Variants in MCF2L2 observed in about 807,000 individuals in gnomAD.
MCF2L2 encodes probable guanine nucleotide exchange factor MCF2L2.
A neutral mutation model predicts 150.2 loss-of-function variants in MCF2L2; 102 were observed. The observed-to-expected ratio is 0.68, with a 90% CI of 0.58 to 0.80. MCF2L2 has a LOEUF of 0.80. Among genes scored for constraint, MCF2L2 ranks in the 30% least tolerant of loss-of-function variants. MCF2L2 has a pLI of 0.00. For missense variants in MCF2L2, 1,256 were observed against 1,372.8 expected (o/e 0.91, Z 1.34); for synonymous variants, 465 against 491.3 (o/e 0.95, Z 0.71).
At chr3:183,355,898 G>A (rs1364144071) in intron 3 of MCF2L2, among the ~76,000 whole-genome samples, 2 of 151,874 alleles carry the variant, frequency 1.3e-5, no homozygotes, top group Non-Finnish European at 2.9e-5. Flanking sequence ...GTTCATTCTG[G>A]GGCCTCACTT....
chr3:183,351,190 G>GTGTGTA (rs1491563903), intron 3 of MCF2L2, among the ~76,000 whole-genome samples: 2 of 38,844 alleles, frequency 5.1e-5, no homozygotes, highest in African/African-American at 1.7e-4. Flanking sequence ...ATTTTCTTAA[G>GTGTGTA]TATATATATA....
intron 5 of MCF2L2, among the ~76,000 whole-genome samples, chr3:183,324,271 G>C (rs1729937351): frequency 6.6e-6 from 1 of 152,156 alleles, no homozygotes; most frequent in Non-Finnish European, 1.5e-5. Context: ...CACACATCCA[G>C]AGGAAGCTGA....
chr3:183,269,720 G>A (rs1324173760), intron 15 of MCF2L2: 14 of 1,340,612 alleles, frequency 1.0e-5, no homozygotes, highest in South Asian at 2.9e-5. Context: ...CCTACTCTAC[G>A]AAACACGAAG....
At chr3:183,373,519 A>G (rs550325418) in intron 3 of MCF2L2, 1 of 152,276 alleles carries the variant, frequency 6.6e-6, no homozygotes, top group East Asian at 1.9e-4. Flanking sequence ...CACTTTATCC[A>G]AAAGCTAAGT....
intron 1 of MCF2L2, chr3:183,400,222 A>G (rs1180309700): frequency 3.3e-6 from 1 of 302,832 alleles, no homozygotes; most frequent in East Asian, 8.6e-5. Flanking sequence ...TCTTCACAAA[A>G]AACTTGAGAC....
chr3:183,260,802 C>T (rs1409294079), intron 15 of MCF2L2, among the ~76,000 whole-genome samples: 3 of 152,198 alleles, frequency 2.0e-5, no homozygotes, highest in African/African-American at 7.2e-5. Flanking sequence ...CCCTCTATCC[C>T]AAAGCCATGA....
At chr3:183,347,783 A>T (rs1229426153) in intron 3 of MCF2L2, among the ~76,000 whole-genome samples, 4 of 152,252 alleles carry the variant, frequency 2.6e-5, no homozygotes, top group Admixed American at 6.5e-5. Flanking sequence ...TTATGTGGCC[A>T]ACAAACATAT....
At chr3:183,367,877 T>C (rs1363365164) in intron 3 of MCF2L2, among the ~76,000 whole-genome samples, 2 of 152,222 alleles carry the variant, frequency 1.3e-5, no homozygotes, top group African/African-American at 2.4e-5. Flanking sequence ...CACAAGATAC[T>C]GTCTAAAGTC....
intron 1 of MCF2L2, among the ~76,000 whole-genome samples, chr3:183,407,738 A>C (rs913082769): frequency 1.3e-5 from 2 of 152,192 alleles, no homozygotes; most frequent in African/African-American, 4.8e-5. Flanking sequence ...TCAAGGTCTA[A>C]AATCCCATTT....
chr3:183,332,018 C>T (rs1158763158), intron 5 of MCF2L2, among the ~76,000 whole-genome samples: 5 of 152,196 alleles, frequency 3.3e-5, no homozygotes, highest in East Asian at 1.9e-4. Flanking sequence ...CCCCCCAACA[C>T]GTGAAAATGT....
At chr3:183,261,078 T>C (rs1725536431) in intron 15 of MCF2L2, among the ~76,000 whole-genome samples, 2 of 152,244 alleles carry the variant, frequency 1.3e-5, no homozygotes, top group Non-Finnish European at 2.9e-5. Flanking sequence ...ATGTGAGTTA[T>C]AAATTCACAT....
chr3:183,205,849 A>AGTATAACT, intron 25 of MCF2L2, 27 bp downstream of exon 25: 1 of 1,569,838 alleles, frequency 6.4e-7, no homozygotes, highest in East Asian at 2.2e-5. Context: ...ATAACTCGAC[A>AGTATAACT]GACGAAAGTC....
intron 1 of MCF2L2, among the ~76,000 whole-genome samples, chr3:183,409,085 A>G (rs1467046774): frequency 1.3e-5 from 2 of 152,240 alleles, no homozygotes; most frequent in Non-Finnish European, 2.9e-5. Flanking sequence ...AGAATTATGT[A>G]TGTATTATTT....
At position 183,216,021 on chromosome 3, in the gene MCF2L2, A is replaced by G. The variant is rs1722896976; in HGVS notation, c.2444T>C (p.Leu815Ser). ...CACAGCCAACTCACAGGACTTGATC[A>G]AATCCTCTATCACTGCCAAAGCTTG... Reference protein sequence around the residue: ...LQQALAVIEDLIKSCELAVDL... With the variant: ...LQQALAVIEDSIKSCELAVDL... The change falls in exon 22 of 30, where the codon TTG becomes TCG. Residue 815 changes from leucine to serine, a missense_variant. Transcript: ENST00000328913. The G allele has an allele frequency of 1.2e-6, 2 of 1,613,958 alleles. No individual in the cohort carries two copies. Among genetic ancestry groups the G allele is most frequent in the Admixed American group, 3.3e-5 (2 of 59,996 alleles).
intron 1 of MCF2L2, among the ~76,000 whole-genome samples, chr3:183,424,387 A>C (rs1033435633): frequency 6.6e-6 from 1 of 152,354 alleles, no homozygotes; most frequent in Non-Finnish European, 1.5e-5. Flanking sequence ...GGTTTTGGAG[A>C]CAAAATAGTT....
In MCF2L2 at chr3:183,359,384, T is replaced by C. The variant is rs181856941; in HGVS notation, c.276-17754A>G. Among the ~76,000 whole-genome samples the C allele has an allele frequency of 1.8e-3, 268 of 152,340 alleles. 4 individuals carry two copies. Among genetic ancestry groups the C allele is most frequent in the Admixed American group, 0.014 (214 of 15,308 alleles). ...TCTGATTCGTTTCACAAAGATTTTATACCAGTGGCTCATGCACTCTGCAGG... is the reference window on the plus strand; with the variant it reads ...TCTGATTCGTTTCACAAAGATTTTACACCAGTGGCTCATGCACTCTGCAGG... On this transcript the variant is annotated intron_variant, in intron 3 of 29. Coordinates refer to ENST00000328913, the MANE Select transcript of MCF2L2 (RefSeq NM_015078.4).
chr3:183,428,106 A>G lies in MCF2L2; in HGVS notation c.-129T>C, dbSNP rs1716270421. On this transcript the variant is annotated 5_prime_UTR_variant, in exon 1 of 30. Coordinates refer to ENST00000328913, the MANE Select transcript of MCF2L2 (RefSeq NM_015078.4). This position sits in a 1 kb window ranked among gnomAD's most constrained non-coding sequence, Gnocchi z 5.1. ...TCGCCCTCTTCCTGGCTCTCCAGGC[A>G]AGAAACGAGAGTCCCTCGCAGCCTA... 1 of 712,732 alleles carries G rather than the reference A, an allele frequency of 1.4e-6. No homozygotes were observed. The highest frequency in any genetic ancestry group is 2.6e-5 in the East Asian group (1 of 38,170). 44.2% of individuals were successfully genotyped at this position (712,732 alleles called of 1,614,324 possible).
intron 15 of MCF2L2, chr3:183,253,936 A>G (rs1437735918): frequency 6.6e-6 from 1 of 151,928 alleles, no homozygotes; most frequent in Non-Finnish European, 1.5e-5. Context: ...AAATGGGGAA[A>G]GTTCTGGCCG....
chr3:183,352,616 C>T (rs1383595340), intron 3 of MCF2L2, among the ~76,000 whole-genome samples: 2 of 152,178 alleles, frequency 1.3e-5, no homozygotes, highest in Non-Finnish European at 2.9e-5. Flanking sequence ...AGCAGACGTG[C>T]TTCCACTGCA....
Sources: allele counts gnomAD v4.1 joint callset (sites outside exome capture counted in the v4.1 genomes callset), GRCh38; gene constraint gnomAD v4.1.1; non-coding constraint Gnocchi (gnomAD v3.1); transcripts MANE v1.5; gene names NCBI Gene and HGNC (gene_info 2026-07-23, HGNC 2026-07-21).